Variants in ROR2 observed in about 807,000 individuals in gnomAD.
The protein encoded by ROR2 is tyrosine-protein kinase transmembrane receptor ROR2.
Under a neutral mutation model 74.9 loss-of-function variants are expected in ROR2, and 33 were observed. The ratio of observed to expected loss-of-function variants is 0.44; its 90% CI spans 0.33 to 0.59. The LOEUF (loss-of-function observed/expected upper bound fraction) is 0.59, where lower values mean the gene tolerates loss of function less well. Among genes scored for constraint, ROR2 ranks in the 20% least tolerant of loss-of-function variants. The pLI is 0.02. For synonymous variants in ROR2, 586 were observed against 558.7 expected, an observed-to-expected ratio of 1.05 and a Z score of -0.69; for missense variants, 1,216 against 1,313.8, an observed-to-expected ratio of 0.93 and a Z score of 1.15.
At chr9:91,817,043 G>A (rs1220310863) in intron 1 of ROR2, among the ~76,000 whole-genome samples, 1 of 152,188 alleles carries the variant, frequency 6.6e-6, no homozygotes, top group Non-Finnish European at 1.5e-5. Flanking sequence ...GACTGCCTGT[G>A]GGGAGACCCA....
intron 1 of ROR2, among the ~76,000 whole-genome samples, chr9:91,788,798 A>C (rs1051196551): frequency 6.8e-6 from 1 of 147,656 alleles, no homozygotes; most frequent in Non-Finnish European, 1.5e-5. Flanking sequence ...TGGGAGGCGG[A>C]GGTTGCAGTG....
Position 91,900,847 on chromosome 9 carries a change from C to T in ROR2, c.97+49020G>A, listed in dbSNP as rs1416841623. On this transcript the variant is annotated intron_variant, in intron 1 of 8. Coordinates refer to ENST00000375708, the MANE Select transcript of ROR2 (RefSeq NM_004560.4). ...AAAATAATAAGCCAAGAATGCACAT[C>T]TGTTTTTAAGAAGGAAATCCATTAT... Among the ~76,000 whole-genome samples, 3 of 152,364 alleles carry T rather than the reference C, an allele frequency of 2.0e-5. No individual in the cohort carries two copies. The East Asian group carries it at 5.8e-4, about 29-fold the overall frequency.
At chr9:91,948,915 A>C (rs888978724) in intron 1 of ROR2, 2 of 985,024 alleles carry the variant, frequency 2.0e-6, no homozygotes, top group Non-Finnish European at 2.4e-6. Flanking sequence ...CGGAGTCTGC[A>C]CCGCCAGAGC....
At chr9:91,839,417 G>A (rs1202848213) in intron 1 of ROR2, among the ~76,000 whole-genome samples, 2 of 150,908 alleles carry the variant, frequency 1.3e-5, no homozygotes, top group Admixed American at 6.6e-5. Context: ...GGGTCTGTGG[G>A]GTGTGTGTGT....
chr9:91,810,070 C>T (rs528049294), intron 1 of ROR2, among the ~76,000 whole-genome samples: 50 of 152,270 alleles, frequency 3.3e-4, no homozygotes, highest in Non-Finnish European at 5.9e-4. Context: ...CCTTCAGATG[C>T]CCCAGGGCAA....
At chr9:91,884,693 G>C (rs1242846098) in intron 1 of ROR2, among the ~76,000 whole-genome samples, 3 of 152,110 alleles carry the variant, frequency 2.0e-5, no homozygotes, top group Admixed American at 2.0e-4. Flanking sequence ...AACACATCCT[G>C]CGGGCTGTCA....
At position 91,822,038 on chromosome 9, in the gene ROR2, GA is replaced by G. The variant is rs1828155194; in HGVS notation, c.98-46221del. Among the ~76,000 whole-genome samples, 3 of 152,170 alleles carry G rather than the reference GA, an allele frequency of 2.0e-5. No homozygotes were observed. In the East Asian group the frequency reaches 5.8e-4, roughly 29 times the overall value. ...TTAAACAAAAACCAAGAAAAGGCTAGAAAAAAAGGCGCTTCAAAACAAATTG... is the reference window on the plus strand; with the variant it reads ...TTAAACAAAAACCAAGAAAAGGCTAGAAAAAAGGCGCTTCAAAACAAATTG... On this transcript the variant is annotated intron_variant, in intron 1 of 8. Transcript: ENST00000375708.
intron 1 of ROR2, among the ~76,000 whole-genome samples, chr9:91,781,903 CA>C (rs1554760154): frequency 2.6e-5 from 4 of 152,238 alleles, no homozygotes; most frequent in Non-Finnish European, 2.9e-5. Context: ...CAACTCCCTT[CA>C]ATATTGCCTT....
chr9:91,807,335 G>A (rs1022628655), intron 1 of ROR2, among the ~76,000 whole-genome samples: 1 of 152,204 alleles, frequency 6.6e-6, no homozygotes, highest in Non-Finnish European at 1.5e-5. Context: ...CTGGGAGGGT[G>A]GGGCACCCCA....
At chr9:91,775,695 C>A (rs780078005) in intron 2 of ROR2, 46 bp downstream of exon 2, 1 of 1,572,578 alleles carries the variant, frequency 6.4e-7, no homozygotes, top group African/African-American at 1.3e-5. Context: ...AGCCTCAGCA[C>A]AGGGCATTTG....
chr9:91,913,337 C>T (rs955324676), intron 1 of ROR2, among the ~76,000 whole-genome samples: 3 of 152,178 alleles, frequency 2.0e-5, no homozygotes, highest in Admixed American at 2.0e-4. Context: ...GATTTTTATT[C>T]TTTGGAATGA....
intron 1 of ROR2, among the ~76,000 whole-genome samples, chr9:91,870,627 A>T (rs1829768480): frequency 1.3e-5 from 2 of 152,268 alleles, no homozygotes; most frequent in Non-Finnish European, 2.9e-5. Flanking sequence ...GTTGAAAACA[A>T]CTCAAGATCA....
intron 1 of ROR2, among the ~76,000 whole-genome samples, chr9:91,780,505 T>G (rs961186374): frequency 2.0e-4 from 30 of 152,010 alleles, no homozygotes; most frequent in African/African-American, 7.2e-4. Context: ...TAAGATTAAT[T>G]GGGCTGGCGT....
At chr9:91,855,725 G>A (rs1242305078) in intron 1 of ROR2, among the ~76,000 whole-genome samples, 2 of 152,258 alleles carry the variant, frequency 1.3e-5, no homozygotes, top group South Asian at 4.1e-4. Flanking sequence ...AGGGGAATGG[G>A]GGTGGTATGG....
intron 1 of ROR2, among the ~76,000 whole-genome samples, chr9:91,918,068 G>A (rs892748272): frequency 1.3e-5 from 2 of 152,014 alleles, no homozygotes; most frequent in Non-Finnish European, 2.9e-5. Flanking sequence ...TCAGGAGATC[G>A]AGACCATCCT....
At chr9:91,742,118 G>A (rs7875973) in intron 4 of ROR2, among the ~76,000 whole-genome samples, 18,882 of 152,204 alleles carry the variant, frequency 0.12, 1,257 homozygotes, top group East Asian at 0.2. Context: ...CAGAATCATG[G>A]TGGGAGGCAC....
intron 1 of ROR2, among the ~76,000 whole-genome samples, chr9:91,821,997 C>T (rs991211036): frequency 6.6e-6 from 1 of 150,958 alleles, no homozygotes; most frequent in Admixed American, 6.6e-5. Context: ...TATATATATA[C>T]AAAAAAGCCT....
rs568837660 is a variant in ROR2, at chr9:91,823,827, C to T, written c.98-48009G>A. On this transcript the variant is annotated intron_variant, in intron 1 of 8. Coordinates refer to ENST00000375708, the MANE Select transcript of ROR2 (RefSeq NM_004560.4). ...AGGATTACATTTAGTTAGGCTGGGG[C>T]GTCAGGGAAGGTGCCCCCAGAGCTC... Among the ~76,000 whole-genome samples, 4 of 152,332 alleles carry T rather than the reference C, an allele frequency of 2.6e-5. 1 individual carries two copies. The highest frequency in any genetic ancestry group is 9.6e-5 in the African/African-American group (4 of 41,572).
chr9:91,880,147 A>G (rs1053693296), intron 1 of ROR2, among the ~76,000 whole-genome samples: 1 of 152,088 alleles, frequency 6.6e-6, no homozygotes, highest in African/African-American at 2.4e-5. Flanking sequence ...CCAATGCAGT[A>G]TGACTTGTGT....
Sources: allele counts gnomAD v4.1 joint callset (sites outside exome capture counted in the v4.1 genomes callset), GRCh38; gene constraint gnomAD v4.1.1; transcripts MANE v1.5; gene names NCBI Gene and HGNC (gene_info 2026-07-23, HGNC 2026-07-21).